The following ME1 variants were observed in gnomAD, a reference collection of about 807,000 sequenced individuals.
ME1 encodes NADP-dependent malic enzyme.
Under a neutral mutation model 66.4 loss-of-function variants are expected in ME1, and 74 were observed. The observed-to-expected ratio is 1.11, with a 90% CI of 0.92 to 1.35. The LOEUF (loss-of-function observed/expected upper bound fraction) is 1.35, where lower values mean the gene tolerates loss of function less well. Among genes scored for constraint, ME1 ranks in the 40% most tolerant of loss-of-function variants. The pLI is 0.00. For missense variants in ME1, 750 were observed against 694.1 expected (o/e 1.08, Z -0.90); for synonymous variants, 251 against 235.6 (o/e 1.07, Z -0.60).
At chr6:83,255,067 A>G (rs185612012) in intron 6 of ME1, among the ~76,000 whole-genome samples, 157 of 152,214 alleles carry the variant, frequency 1.0e-3, no homozygotes, top group South Asian at 1.7e-3. Flanking sequence ...CCCTTCAATT[A>G]TGTTAATTTA....
chr6:83,277,843 A>G (rs1222791061), intron 6 of ME1, among the ~76,000 whole-genome samples: 4 of 151,736 alleles, frequency 2.6e-5, no homozygotes, highest in Non-Finnish European at 5.9e-5. Context: ...TAGAGGTTGC[A>G]GTGAGCTGAG....
At chr6:83,410,953 T>A (rs1431480274) in intron 1 of ME1, among the ~76,000 whole-genome samples, 1 of 152,186 alleles carries the variant, frequency 6.6e-6, no homozygotes, top group African/African-American at 2.4e-5. Context: ...CAAACTCCCA[T>A]ATACCATTAG....
intron 1 of ME1, among the ~76,000 whole-genome samples, chr6:83,418,136 TAC>T (rs1770196913): frequency 6.6e-6 from 1 of 152,258 alleles, no homozygotes; most frequent in South Asian, 2.1e-4. Context: ...TCTCTGCTTT[TAC>T]AGTTACTTTA....
intron 3 of ME1, among the ~76,000 whole-genome samples, chr6:83,395,452 A>G (rs1244121976): frequency 6.6e-6 from 1 of 151,782 alleles, no homozygotes; most frequent in East Asian, 1.9e-4. Flanking sequence ...ATTGATTTGG[A>G]AATACTTTCT....
chr6:83,292,665 G>T (rs998391824), intron 6 of ME1, among the ~76,000 whole-genome samples: 2 of 152,318 alleles, frequency 1.3e-5, no homozygotes, highest in Non-Finnish European at 2.9e-5. Flanking sequence ...GAGCTGTCAG[G>T]CAGGGACGTT....
intron 3 of ME1, among the ~76,000 whole-genome samples, chr6:83,384,654 C>T (rs1467170657): frequency 6.6e-6 from 1 of 151,426 alleles, no homozygotes; most frequent in South Asian, 2.1e-4. Context: ...TAATTAGGGT[C>T]CTTTTTTCGT....
At chr6:83,297,653 G>A (rs568965886) in intron 6 of ME1, among the ~76,000 whole-genome samples, 8 of 152,102 alleles carry the variant, frequency 5.3e-5, no homozygotes, top group African/African-American at 9.6e-5. Flanking sequence ...ATAGGTAAAC[G>A]TTTGCCATGG....
rs2128539207 is a variant in ME1 at position 83,315,222 on chromosome 6, T to C, written c.704+88A>G. ...TTTCATTCAAATTACTTCTAATTATTAAACCATATTGCATAAATCTTGGAT... is the reference window on the plus strand; with the variant it reads ...TTTCATTCAAATTACTTCTAATTATCAAACCATATTGCATAAATCTTGGAT... On this transcript the variant is annotated intron_variant, in intron 6 of 13. Coordinates refer to ENST00000369705, the MANE Select transcript of ME1 (RefSeq NM_002395.6). 8.0e-6 allele frequency: 6 copies of C among 752,994 alleles called. No homozygotes were observed. The East Asian group carries it at 1.3e-4, about 16-fold the overall frequency. The allele number at this position is 752,994 out of a possible 1,614,324, so 46.6% of individuals were successfully genotyped here. A position where few individuals can be genotyped will look rare whatever the true frequency, so the allele number is the denominator to read the frequency against.
intron 6 of ME1, among the ~76,000 whole-genome samples, chr6:83,294,751 C>T (rs1407920933): frequency 6.6e-6 from 1 of 152,088 alleles, no homozygotes; most frequent in Non-Finnish European, 1.5e-5. Flanking sequence ...ATCTGTCTTC[C>T]ACAGTTCCCC....
intron 6 of ME1, among the ~76,000 whole-genome samples, chr6:83,262,992 AC>A (rs1766925589): frequency 6.6e-6 from 1 of 152,080 alleles, no homozygotes; most frequent in African/African-American, 2.4e-5. Context: ...ATTTGTGACA[AC>A]CCTTGTTGAG....
chr6:83,354,189 T>C (rs1019531809), intron 3 of ME1, among the ~76,000 whole-genome samples: 1 of 152,168 alleles, frequency 6.6e-6, no homozygotes, highest in Admixed American at 6.5e-5. Context: ...GGCATTGGCA[T>C]AATCTTGGCT....
intron 6 of ME1, among the ~76,000 whole-genome samples, chr6:83,310,015 A>G (rs1767901267): frequency 6.6e-6 from 1 of 152,204 alleles, no homozygotes; most frequent in Non-Finnish European, 1.5e-5. Flanking sequence ...AAATTTGTTG[A>G]ACAGGCCAGT....
chr6:83,227,297 A>G lies in ME1; in HGVS notation c.1275+38T>C, dbSNP rs112373117. 1.2e-5 allele frequency: 17 copies of G among 1,401,802 alleles called. No individual in the cohort carries two copies. The African/African-American group carries it at 1.9e-4, about 16-fold the overall frequency. The allele number at this position is 1,401,802 out of a possible 1,614,324, so 86.8% of individuals were successfully genotyped here. The stretch of plus-strand genomic sequence containing the variant: ...CTAGGCCTCCCTATAATGAATAAAA[A>G]TTTGATTATTAAAATATCTGTTATA... On this transcript the variant is annotated intron_variant, in intron 11 of 13. Coordinates refer to ENST00000369705, the MANE Select transcript of ME1 (RefSeq NM_002395.6).
intron 1 of ME1, among the ~76,000 whole-genome samples, chr6:83,411,478 T>C (rs1157095377): frequency 1.3e-5 from 2 of 152,076 alleles, no homozygotes; most frequent in Non-Finnish European, 2.9e-5. Flanking sequence ...CCTGAAAAAA[T>C]TTAAAATGGA....
At chr6:83,424,982 T>C (rs577009785) in intron 1 of ME1, among the ~76,000 whole-genome samples, 1 of 152,252 alleles carries the variant, frequency 6.6e-6, no homozygotes, top group South Asian at 2.1e-4. Flanking sequence ...AGCCTCTGGA[T>C]CTCTAAGGTT....
At chr6:83,224,589 C>T (rs1291409308) in intron 11 of ME1, among the ~76,000 whole-genome samples, 1 of 149,150 alleles carries the variant, frequency 6.7e-6, no homozygotes, top group African/African-American at 2.5e-5. Context: ...GAGGCTGAGG[C>T]AGGAGAATCG....
intron 6 of ME1, among the ~76,000 whole-genome samples, chr6:83,272,552 A>C (rs1464290975): frequency 6.6e-6 from 1 of 152,196 alleles, no homozygotes; most frequent in Non-Finnish European, 1.5e-5. Context: ...CTCACATATT[A>C]TGCTTGCAAA....
At chr6:83,259,393 C>T (rs1766841238) in intron 6 of ME1, among the ~76,000 whole-genome samples, 1 of 152,110 alleles carries the variant, frequency 6.6e-6, no homozygotes, top group Non-Finnish European at 1.5e-5. Flanking sequence ...CAGTGGCACA[C>T]TGATCACTAA....
At chr6:83,382,470 G>A (rs1409071977) in intron 3 of ME1, among the ~76,000 whole-genome samples, 4 of 151,950 alleles carry the variant, frequency 2.6e-5, no homozygotes, top group African/African-American at 9.7e-5. Flanking sequence ...TCTAAAATTA[G>A]GTTTAAATGT....
Sources: allele counts gnomAD v4.1 joint callset (sites outside exome capture counted in the v4.1 genomes callset), GRCh38; gene constraint gnomAD v4.1.1; transcripts MANE v1.5; gene names NCBI Gene and HGNC (gene_info 2026-07-23, HGNC 2026-07-21).